Variants in ANKRD26 observed in about 807,000 individuals in gnomAD.
ANKRD26 encodes the protein ankyrin repeat domain-containing protein 26.
ANKRD26 carries 141 observed loss-of-function variants against 208.7 expected under a neutral mutation model. The ratio of observed to expected loss-of-function variants is 0.68; its 90% CI spans 0.59 to 0.78. The LOEUF (loss-of-function observed/expected upper bound fraction) is 0.78, where lower values mean the gene tolerates loss of function less well. ANKRD26 is among the 30% of genes least tolerant of loss of function. ANKRD26 has a pLI of 0.00. For missense variants in ANKRD26, 1,889 were observed against 1,938.7 expected (o/e 0.97, Z 0.48); for synonymous variants, 636 against 660.4 (o/e 0.96, Z 0.57).
chr10:27,016,997 G>A (rs1222237834), intron 30 of ANKRD26, among the ~76,000 whole-genome samples: 1 of 152,070 alleles, frequency 6.6e-6, no homozygotes, highest in Non-Finnish European at 1.5e-5. Flanking sequence ...AGACCAGCCT[G>A]GGCAACAAAG....
intron 9 of ANKRD26, among the ~76,000 whole-genome samples, chr10:27,076,731 A>AC (rs2055712504): frequency 1.3e-5 from 2 of 152,198 alleles, no homozygotes. Context: ...CTATGCACAC[A>AC]AACTAGAAAA....
intron 23 of ANKRD26, among the ~76,000 whole-genome samples, chr10:27,036,106 A>AC (rs1589254304): frequency 6.6e-6 from 1 of 152,054 alleles, no homozygotes; most frequent in Non-Finnish European, 1.5e-5. Context: ...CTGATATCTA[A>AC]CCCATACACC....
At chr10:27,000,449 T>A (rs1382968875), downstream of ANKRD26, among the ~76,000 whole-genome samples, 1 of 152,164 alleles carries the variant, frequency 6.6e-6, no homozygotes, top group Non-Finnish European at 1.5e-5. Flanking sequence ...CTCCAGGAAT[T>A]GGAAAGGATA....
At chr10:27,060,244 A>G in intron 15 of ANKRD26, 101 bp downstream of exon 15, 1 of 1,178,302 alleles carries the variant, frequency 8.5e-7, no homozygotes, top group Non-Finnish European at 1.2e-6. Context: ...ACAAATTTGG[A>G]GAAAAAAAGA....
At chr10:27,082,901 A>T (rs1207448321) in intron 5 of ANKRD26, 68 bp from the exon 6 acceptor site, 1 of 1,522,464 alleles carries the variant, frequency 6.6e-7, no homozygotes, top group South Asian at 1.2e-5. Flanking sequence ...TTAAAGCATA[A>T]GACTGATAGT....
chr10:26,985,821 G>C lies in ANKRD26; in HGVS notation c.490-3008C>G, dbSNP rs185775189. ...TCAGTGCAATACTTTCAACAGCCTT[G>C]TCTTTTGCCAGTTGAAAAGCTTGGG... On this transcript the variant is annotated intron_variant and NMD_transcript_variant, in intron 3 of 5. Transcript: ENST00000674670. Among the ~76,000 whole-genome samples, 12 of 152,276 alleles carry C rather than the reference G, an allele frequency of 7.9e-5. No homozygotes were observed. In the East Asian group the frequency reaches 2.3e-3, roughly 29 times the overall value.
intron 5 of ANKRD26, among the ~76,000 whole-genome samples, chr10:27,084,916 G>GTT (rs772167870): frequency 7.0e-6 from 1 of 143,788 alleles, no homozygotes; most frequent in South Asian, 2.2e-4. Context: ...TTTTTTTCCT[G>GTT]TTTTTTTTTA....
chr10:27,027,725 C>G (rs986253216), intron 27 of ANKRD26, among the ~76,000 whole-genome samples: 1 of 152,112 alleles, frequency 6.6e-6, no homozygotes, highest in Non-Finnish European at 1.5e-5. Flanking sequence ...TTCATATTAT[C>G]TAAAATATTC....
Position 27,012,947 on chromosome 10 carries a change from T to C in ANKRD26, c.4888A>G (p.Asn1630Asp). ...DLNRKLIPRE[N>D]LVISTSNPRA... Reference sequence around the variant, plus strand: ...GGATTTGAGGTAGAGATCACTAAGTTTTCTCTTGGAATAAGTTTTCTGTTG... The same window carrying C: ...GGATTTGAGGTAGAGATCACTAAGTCTTCTCTTGGAATAAGTTTTCTGTTG... The change falls in exon 32 of 34, where the codon AAC becomes GAC. Residue 1630 changes from asparagine to aspartate, a missense_variant. By Grantham distance (23) the Asn-to-Asp change is conservative. Transcript: ENST00000376087. The C allele has an allele frequency of 6.2e-7, 1 of 1,614,102 alleles. No homozygotes were observed. Among genetic ancestry groups the C allele is most frequent in the Non-Finnish European group, 8.5e-7 (1 of 1,179,960 alleles).
At chr10:27,079,011 C>G in intron 7 of ANKRD26, 78 bp downstream of exon 7, 1 of 1,229,894 alleles carries the variant, frequency 8.1e-7, no homozygotes, top group Non-Finnish European at 1.2e-6. Flanking sequence ...ATAAGTAGAC[C>G]ACTGCAAAAT....
chr10:27,088,653 A>G (rs2135696820), intron 4 of ANKRD26, among the ~76,000 whole-genome samples: 1 of 152,272 alleles, frequency 6.6e-6, no homozygotes, highest in Non-Finnish European at 1.5e-5. Flanking sequence ...GGTGGCCACT[A>G]CTCCAGCGAA....
chr10:27,070,180 G>A (rs970851819), intron 9 of ANKRD26, among the ~76,000 whole-genome samples: 6 of 150,456 alleles, frequency 4.0e-5, no homozygotes, highest in South Asian at 4.2e-4. Context: ...TGAGGTGGGC[G>A]GATCACTTGA....
At chr10:27,016,088 T>C (rs1266650876) in intron 30 of ANKRD26, among the ~76,000 whole-genome samples, 5 of 152,116 alleles carry the variant, frequency 3.3e-5, no homozygotes, top group Non-Finnish European at 7.4e-5. Context: ...TGGGCTTACA[T>C]GATCCTCTCA....
the ANKRD26 span, among the ~76,000 whole-genome samples, chr10:26,963,975 G>A: frequency 1.0e-4 from 14 of 135,272 alleles, no homozygotes; most frequent in Non-Finnish European, 1.7e-4. Context: ...GCAGTGATGC[G>A]TTCTCGGCTT....
chr10:27,076,786 G>C (rs1378372133), intron 9 of ANKRD26, among the ~76,000 whole-genome samples: 2 of 152,072 alleles, frequency 1.3e-5, no homozygotes, highest in Non-Finnish European at 2.9e-5. Context: ...AACTCCTCTA[G>C]CTTGAATTAG....
chr10:27,014,440 C>T (rs954160760), intron 31 of ANKRD26, 54 bp downstream of exon 31: 30 of 1,343,794 alleles, frequency 2.2e-5, no homozygotes, highest in Non-Finnish European at 2.9e-5. Flanking sequence ...ATTATGCTTT[C>T]AAGGCAAATT....
intron 27 of ANKRD26, among the ~76,000 whole-genome samples, chr10:27,024,932 C>T (rs2053610549): frequency 6.6e-6 from 1 of 152,150 alleles, no homozygotes; most frequent in South Asian, 2.1e-4. Context: ...CTTACTAAGA[C>T]AATTTTTAGA....
intron 31 of ANKRD26, among the ~76,000 whole-genome samples, chr10:27,013,853 A>G (rs953899707): frequency 6.6e-6 from 1 of 152,220 alleles, no homozygotes. Context: ...CCAAGGCATC[A>G]GAGGTGGGGC....
At chr10:26,974,507 A>T (rs558359725) in exon 6 of ANKRD26, among the ~76,000 whole-genome samples, 1 of 151,878 alleles carries the variant, frequency 6.6e-6, no homozygotes, top group African/African-American at 2.4e-5. Context: ...CGCCTGGCTA[A>T]TTTTTTGTAT....
Sources: gnomAD v4.1 joint callset for allele counts (sites outside exome capture counted in the v4.1 genomes callset) on GRCh38, gnomAD v4.1.1 for gene constraint, MANE v1.5 for transcripts, NCBI Gene and HGNC (gene_info 2026-07-23, HGNC 2026-07-21) for gene names.